The following MYO16 variants were observed in gnomAD, a reference collection of about 807,000 sequenced individuals.
MYO16 encodes myosin XVI, also known as unconventional myosin-XVI.
MYO16 carries 94 observed loss-of-function variants against 205.3 expected under a neutral mutation model. That is an observed-to-expected ratio of 0.46 (90% CI 0.39 to 0.54). MYO16 has a LOEUF of 0.54. Ranked by LOEUF, MYO16 falls within the 20% of genes least tolerant of loss-of-function variation. The probability of loss-of-function intolerance (pLI) is 0.00; values close to 1 mark genes in which losing one functional copy is unlikely to be tolerated. For missense variants in MYO16, 2,315 were observed against 2,387.5 expected, an observed-to-expected ratio of 0.97 and a Z score of 0.63; for synonymous variants, 988 against 954.0, an observed-to-expected ratio of 1.04 and a Z score of -0.66.
chr13:108,968,436 C>T (rs1409968942), intron 20 of MYO16, among the ~76,000 whole-genome samples: 1 of 151,982 alleles, frequency 6.6e-6, no homozygotes, highest in African/African-American at 2.4e-5. Flanking sequence ...ATGGCGAAAC[C>T]CCATCTCTAC....
intron 27 of MYO16, among the ~76,000 whole-genome samples, chr13:109,083,246 G>A (rs1404160912): frequency 6.6e-6 from 1 of 151,840 alleles, no homozygotes; most frequent in Non-Finnish European, 1.5e-5. Context: ...AGCTGGACGT[G>A]GTGGTGGGCG....
rs1439963519 is a variant in MYO16, at chr13:108,963,833, A to ACCTG, written c.2228-925_2228-922dup. On this transcript the variant is annotated intron_variant, in intron 19 of 34. Coordinates refer to ENST00000457511, the MANE Select transcript of MYO16 (RefSeq NM_001198950.3). ...GCTACCACCACCCTGTGGGTGACCC[A>ACCTG]CCTGCCCTCCTCAGTCACATGGCTC... Among the ~76,000 whole-genome samples the ACCTG allele has an allele frequency of 3.3e-5, 5 of 151,998 alleles. No individual in the cohort carries two copies. The East Asian group carries it at 9.7e-4, about 29-fold the overall frequency.
intron 23 of MYO16, among the ~76,000 whole-genome samples, chr13:109,021,270 T>G (rs1177797195): frequency 6.6e-6 from 1 of 151,962 alleles, no homozygotes; most frequent in Non-Finnish European, 1.5e-5. Flanking sequence ...CAGAAAAGAG[T>G]TACTAAGACA....
At chr13:108,951,360 G>T (rs1883142537) in intron 16 of MYO16, among the ~76,000 whole-genome samples, 1 of 152,290 alleles carries the variant, frequency 6.6e-6, no homozygotes, top group South Asian at 2.1e-4. Context: ...AATGGAAAGT[G>T]AATTATGCAT....
At chr13:108,559,490 T>TTTTTTTTG in the MYO16 span, among the ~76,000 whole-genome samples, 1 of 145,804 alleles carries the variant, frequency 6.9e-6, no homozygotes, top group African/African-American at 2.5e-5. Context: ...TTTTTTTTTT[T>TTTTTTTTG]TTGAGACGGA....
At chr13:109,054,420 G>A in intron 25 of MYO16, 1 of 238,524 alleles carries the variant, frequency 4.2e-6, no homozygotes, top group South Asian at 4.0e-5. Flanking sequence ...CCTGAGTGTA[G>A]TTAAATTTAA....
At chr13:108,888,565 G>C in intron 14 of MYO16, 88 bp downstream of exon 14, 1 of 740,956 alleles carries the variant, frequency 1.3e-6, no homozygotes, top group Non-Finnish European at 2.1e-6. Flanking sequence ...CATCATAATA[G>C]ATACAAGGGG....
At chr13:109,130,738 A>G (rs780811395) in intron 31 of MYO16, among the ~76,000 whole-genome samples, 2 of 152,206 alleles carry the variant, frequency 1.3e-5, no homozygotes, top group African/African-American at 2.4e-5. Flanking sequence ...TTGAGTTAGG[A>G]CAGTGATGAA....
At chr13:108,507,240 G>A in the MYO16 span, among the ~76,000 whole-genome samples, 7 of 152,172 alleles carry the variant, frequency 4.6e-5, no homozygotes, top group East Asian at 3.9e-4. Flanking sequence ...ACAGGCTTTC[G>A]TATTGCTATC....
chr13:109,032,684 A>G (rs1886582145), intron 23 of MYO16, among the ~76,000 whole-genome samples: 1 of 152,214 alleles, frequency 6.6e-6, no homozygotes. Flanking sequence ...GGGCAGGCAC[A>G]CACATAAATC....
intron 16 of MYO16, among the ~76,000 whole-genome samples, chr13:108,918,167 C>T (rs1881582347): frequency 6.6e-6 from 1 of 152,150 alleles, no homozygotes; most frequent in South Asian, 2.1e-4. Context: ...GCATCTTAAC[C>T]CTTCTCCTTT....
At chr13:108,625,514 T>A, upstream of MYO16, among the ~76,000 whole-genome samples, 1 of 152,338 alleles carries the variant, frequency 6.6e-6, no homozygotes, top group Non-Finnish European at 1.5e-5. Context: ...ACCGGAGTTA[T>A]GTTCCCAGGA....
intron 7 of MYO16, among the ~76,000 whole-genome samples, chr13:108,816,831 A>G (rs1391430418): frequency 6.6e-6 from 1 of 152,218 alleles, no homozygotes; most frequent in Non-Finnish European, 1.5e-5. Context: ...CAATACATAT[A>G]TCCGAAAAAT....
intron 4 of MYO16, among the ~76,000 whole-genome samples, chr13:108,733,458 C>T (rs1884588597): frequency 1.3e-5 from 2 of 152,126 alleles, no homozygotes; most frequent in Admixed American, 1.3e-4. Context: ...GTCATAGGCA[C>T]AAGATTTGAT....
At chr13:108,701,131 G>A (rs1170377705) in intron 2 of MYO16, among the ~76,000 whole-genome samples, 3 of 152,108 alleles carry the variant, frequency 2.0e-5, no homozygotes, top group Admixed American at 6.6e-5. Context: ...AGACATTGCA[G>A]ATTTAGTTAC....
intron 2 of MYO16, among the ~76,000 whole-genome samples, chr13:108,690,475 T>C (rs1882853742): frequency 1.1e-5 from 1 of 88,716 alleles, no homozygotes; most frequent in African/African-American, 4.8e-5. Context: ...TCTGTCATGC[T>C]ATGGCCTTAA....
chr13:108,879,244 G>A (rs1288045447), intron 12 of MYO16, among the ~76,000 whole-genome samples: 1 of 152,154 alleles, frequency 6.6e-6, no homozygotes, highest in Non-Finnish European at 1.5e-5. Flanking sequence ...AACATTGTGA[G>A]ATTCATCCAG....
intron 27 of MYO16, among the ~76,000 whole-genome samples, chr13:109,093,271 G>A (rs776834868): frequency 5.9e-5 from 9 of 152,158 alleles, no homozygotes; most frequent in East Asian, 1.9e-4. Context: ...CAAATGGAGC[G>A]TCTAACATAA....
intron 20 of MYO16, 50 bp from the exon 21 acceptor site, chr13:108,992,326 G>T: frequency 7.5e-7 from 1 of 1,337,290 alleles, no homozygotes; most frequent in South Asian, 1.3e-5. Flanking sequence ...AGAGGGTCAT[G>T]AAGGAGTTTT....
Sources: allele counts gnomAD v4.1 joint callset (sites outside exome capture counted in the v4.1 genomes callset), GRCh38; gene constraint gnomAD v4.1.1; transcripts MANE v1.5; gene names NCBI Gene and HGNC (gene_info 2026-07-23, HGNC 2026-07-21).